GRIK1: variants seen among roughly 807,000 people sequenced by gnomAD.
GRIK1 encodes glutamate ionotropic receptor kainate type subunit 1, also known as glutamate receptor ionotropic, kainate 1.
GRIK1 carries 69 observed loss-of-function variants against 105.7 expected under a neutral mutation model. That is an observed-to-expected ratio of 0.65 (90% CI 0.54 to 0.80). GRIK1 has a LOEUF of 0.80. Ranked by LOEUF, GRIK1 falls within the 30% of genes least tolerant of loss-of-function variation. The pLI is 0.00. For synonymous variants in GRIK1, 438 were observed against 431.3 expected (o/e 1.02, Z -0.19); for missense variants, 1,109 against 1,167.3 (o/e 0.95, Z 0.73).
intron 1 of GRIK1, among the ~76,000 whole-genome samples, chr21:29,751,940 G>T (rs369821269): frequency 6.6e-6 from 1 of 152,198 alleles, no homozygotes; most frequent in African/African-American, 2.4e-5. Context: ...GGACATGTGC[G>T]CATGGCAGTG....
chr21:29,580,132 CATAT>C (rs1555839918), intron 13 of GRIK1, among the ~76,000 whole-genome samples: 12 of 141,866 alleles, frequency 8.5e-5, no homozygotes, highest in African/African-American at 2.7e-4. Flanking sequence ...CATATACACA[CATAT>C]ATATACATAT....
intron 1 of GRIK1, chr21:29,760,478 C>G (rs467407): frequency 0.33 from 50,484 of 152,062 alleles, 9,299 homozygotes; most frequent in African/African-American, 0.51. Flanking sequence ...GTAAGCTTGG[C>G]GGGTAGGGAG....
At chr21:29,907,484 A>G (rs1402142866) in intron 1 of GRIK1, among the ~76,000 whole-genome samples, 1 of 152,156 alleles carries the variant, frequency 6.6e-6, no homozygotes, top group Non-Finnish European at 1.5e-5. Context: ...CCTTCAATGT[A>G]TTTTGTAATA....
Position 29,560,530 on chromosome 21 carries a change from TTC to T in GRIK1, c.2356+1092_2356+1093del, listed in dbSNP as rs1491266289. On this transcript the variant is annotated intron_variant, in intron 15 of 17. Coordinates refer to ENST00000327783, the MANE Select transcript of GRIK1 (RefSeq NM_001330994.2). ...TTCCTTCCTTCCTTCCTTTCTTTCT[TTC>T]TTTCTTTCTTTCTTTCTTTCTTTCT... is the stretch of plus-strand genomic sequence containing the variant. Among the ~76,000 whole-genome samples the T allele has an allele frequency of 6.6e-5, 6 of 90,288 alleles. 1 individual carries two copies. Among genetic ancestry groups the T allele is most frequent in the Non-Finnish European group, 1.3e-4 (6 of 47,394 alleles). The allele number at this position is 90,288 out of a possible 152,430, so 59.2% of individuals were successfully genotyped here.
chr21:29,708,653 A>G (rs1416067188), intron 1 of GRIK1, among the ~76,000 whole-genome samples: 1 of 152,140 alleles, frequency 6.6e-6, no homozygotes, highest in Admixed American at 6.5e-5. Flanking sequence ...CTAGTGAGAG[A>G]ATTCCCACAC....
intron 7 of GRIK1, among the ~76,000 whole-genome samples, chr21:29,624,275 C>T (rs1455403419): frequency 1.3e-5 from 2 of 152,038 alleles, no homozygotes; most frequent in African/African-American, 4.8e-5. Context: ...TGATTAGAAC[C>T]TTTTTTGGGT....
chr21:29,730,492 C>A (rs1331041947), intron 1 of GRIK1, among the ~76,000 whole-genome samples: 45 of 152,156 alleles, frequency 3.0e-4, no homozygotes, highest in African/African-American at 2.4e-5. Context: ...TTCTGAGAAA[C>A]TGCAGATAAG....
intron 4 of GRIK1, among the ~76,000 whole-genome samples, chr21:29,658,591 GT>G (rs2062901231): frequency 6.6e-6 from 1 of 152,148 alleles, no homozygotes; most frequent in Non-Finnish European, 1.5e-5. Flanking sequence ...AATTAATCTT[GT>G]TAAACAACTT....
intron 1 of GRIK1, among the ~76,000 whole-genome samples, chr21:29,830,536 G>A (rs2067602841): frequency 6.6e-6 from 1 of 152,100 alleles, no homozygotes; most frequent in South Asian, 2.1e-4. Context: ...TGAGGTACTG[G>A]AAGTAGAGTG....
chr21:29,898,947 G>A (rs1325683346), intron 1 of GRIK1, among the ~76,000 whole-genome samples: 1 of 151,260 alleles, frequency 6.6e-6, no homozygotes, highest in South Asian at 2.1e-4. Context: ...ACTCCAGCCT[G>A]GGCAACAAGA....
intron 1 of GRIK1, among the ~76,000 whole-genome samples, chr21:29,849,099 A>G (rs764443916): frequency 6.6e-6 from 1 of 151,794 alleles, no homozygotes; most frequent in Non-Finnish European, 1.5e-5. Context: ...GAATAAATGA[A>G]TGATTAAGCA....
chr21:29,837,015 G>T (rs926722154), intron 1 of GRIK1, among the ~76,000 whole-genome samples: 1 of 152,114 alleles, frequency 6.6e-6, no homozygotes, highest in Non-Finnish European at 1.5e-5. Flanking sequence ...TAGCTGCTTT[G>T]GCACTTGGGA....
chr21:29,577,046 A>G lies in GRIK1; in HGVS notation c.2048T>C (p.Ile683Thr), dbSNP rs760063205. The change falls in exon 14 of 18, where the codon ATA (isoleucine) becomes ACA (threonine). Residue 683 changes from isoleucine (I) to threonine (T), a missense_variant. This residue lies in a region of GRIK1 where 264 missense variants were observed against 306.9 expected (regional missense o/e 0.86). Transcript: ENST00000327783. ...FLTVERMESP[I>T]DSADDLAKQT... ...CTTTGCCAGATCATCTGCCGAATCT[A>G]TGGGGGATTCCATTCTCTCTACTGT... 2 of 1,613,524 alleles carry G rather than the reference A, an allele frequency of 1.2e-6. No homozygotes were observed. Among genetic ancestry groups the G allele is most frequent in the Non-Finnish European group, 1.7e-6 (2 of 1,179,616 alleles).
intron 1 of GRIK1, among the ~76,000 whole-genome samples, chr21:29,867,292 G>A (rs1205925327): frequency 1.3e-5 from 2 of 151,882 alleles, no homozygotes; most frequent in Non-Finnish European, 2.9e-5. Flanking sequence ...GAAGCGATAC[G>A]ACAGATGAAT....
At chr21:29,616,028 C>G (rs148309484) in intron 7 of GRIK1, among the ~76,000 whole-genome samples, 6 of 152,230 alleles carry the variant, frequency 3.9e-5, no homozygotes, top group Admixed American at 6.5e-5. Context: ...CAATTCCCAA[C>G]AAGGGCTGAA....
intron 1 of GRIK1, among the ~76,000 whole-genome samples, chr21:29,707,217 A>G (rs2063929455): frequency 6.6e-6 from 1 of 152,036 alleles, no homozygotes; most frequent in African/African-American, 2.4e-5. Flanking sequence ...GACATTTTTT[A>G]TTCTAAATAA....
At chr21:29,863,150 T>A (rs1307578755) in intron 1 of GRIK1, among the ~76,000 whole-genome samples, 14 of 152,236 alleles carry the variant, frequency 9.2e-5, no homozygotes, top group Admixed American at 9.2e-4. Flanking sequence ...CATATTCTGA[T>A]ACTTCAATAA....
intron 1 of GRIK1, among the ~76,000 whole-genome samples, chr21:29,709,450 T>C (rs1408315495): frequency 6.6e-6 from 1 of 151,870 alleles, no homozygotes; most frequent in Non-Finnish European, 1.5e-5. Context: ...CCGGCTAATT[T>C]TTGTGTTTTT....
chr21:29,656,352 CTCAAAAAAAAAAAA>C (rs2062849420), intron 4 of GRIK1, among the ~76,000 whole-genome samples: 1 of 17,160 alleles, frequency 5.8e-5, no homozygotes. Context: ...CAGAGCGAGA[CTCAAAAAAAAAAAA>C]AAAAAAAAAA....
Sources: gnomAD v4.1 joint callset for allele counts (sites outside exome capture counted in the v4.1 genomes callset) on GRCh38, gnomAD v4.1.1 for gene constraint, gnomAD v4.1.1 regional missense constraint, MANE v1.5 for transcripts, NCBI Gene and HGNC (gene_info 2026-07-23, HGNC 2026-07-21) for gene names.